RASSF3: variants seen among roughly 807,000 people sequenced by gnomAD.
RASSF3 encodes ras association domain-containing protein 3.
RASSF3 carries 19 observed loss-of-function variants against 19.9 expected under a neutral mutation model. The ratio of observed to expected loss-of-function variants is 0.96; its 90% CI spans 0.67 to 1.40. RASSF3 has a LOEUF of 1.40. RASSF3 is among the 40% of genes most tolerant of loss of function. The probability of loss-of-function intolerance (pLI) is 0.00; values close to 1 mark genes in which losing one functional copy is unlikely to be tolerated. For synonymous variants in RASSF3, 110 were observed against 104.2 expected (o/e 1.06, Z -0.34); for missense variants, 306 against 289.8 (o/e 1.06, Z -0.41).
Position 64,612,408 on chromosome 12 carries a change from A to G in RASSF3, c.111+1665A>G, listed in dbSNP as rs1175101395. Among the ~76,000 whole-genome samples the G allele has an allele frequency of 1.3e-4, 20 of 151,584 alleles. No individual in the cohort carries two copies. In the South Asian group the frequency reaches 1.9e-3, roughly 14 times the overall value. On this transcript the variant is annotated intron_variant, in intron 1 of 4. Transcript: ENST00000542104. ...GCCAAACTATTCAGGTTTGAATTGT[A>G]TGAGAATCCTTTAGTGCTTTAAAGA...
At chr12:64,680,911 C>T (rs1873102327) in intron 1 of RASSF3, among the ~76,000 whole-genome samples, 1 of 152,154 alleles carries the variant, frequency 6.6e-6, no homozygotes, top group Non-Finnish European at 1.5e-5. Context: ...CGCGCCCAGC[C>T]AGTTTCCTTA....
At chr12:64,691,661 T>TGTTGGGG in intron 4 of RASSF3, 82 bp downstream of exon 4, 5 of 250,294 alleles carry the variant, frequency 2.0e-5, no homozygotes, top group Non-Finnish European at 2.8e-5. Flanking sequence ...ACTTGGCTAT[T>TGTTGGGG]GATGGGGGAT....
At chr12:64,533,026 T>G (rs991044933), upstream of RASSF3, among the ~76,000 whole-genome samples, 3 of 152,210 alleles carry the variant, frequency 2.0e-5, no homozygotes, top group African/African-American at 4.8e-5. Context: ...AGACGCTCCC[T>G]CAGCCTCTTC....
In RASSF3 at chr12:64,676,166, ATTTTTTTTTT is replaced by A. The variant is rs35376691; in HGVS notation, c.112-8607_112-8598del. On this transcript the variant is annotated intron_variant, in intron 1 of 4. Transcript: ENST00000542104. ...TCTGATTCTTTCCTTCAGGAGTAGA[ATTTTTTTTTT>A]TTTTTTTTTTTTTGAGACGGAGTTT... Among the ~76,000 whole-genome samples the A allele has an allele frequency of 2.8e-5, 3 of 106,404 alleles. No individual in the cohort carries two copies. The Admixed American group carries it at 3.4e-4, about 12-fold the overall frequency. The allele number at this position is 106,404 out of a possible 152,430, so 69.8% of individuals were successfully genotyped here.
At chr12:64,570,122 A>C (rs1350069538) in intron 2 of RASSF3, among the ~76,000 whole-genome samples, 5 of 152,078 alleles carry the variant, frequency 3.3e-5, no homozygotes, top group Non-Finnish European at 7.4e-5. Context: ...TTCAGATTTG[A>C]CCTTGGCTCA....
intron 2 of RASSF3, 112 bp from the exon 3 acceptor site, chr12:64,688,104 T>C: frequency 1.3e-6 from 1 of 792,296 alleles, no homozygotes; most frequent in Admixed American, 2.0e-5. Context: ...GCCACAAACC[T>C]CAAGAGAAGA....
upstream of RASSF3, among the ~76,000 whole-genome samples, chr12:64,609,163 G>T (rs138583011): frequency 3.3e-5 from 5 of 152,106 alleles, no homozygotes; most frequent in Non-Finnish European, 7.4e-5. Flanking sequence ...TCCTCCTGTA[G>T]TCCACAAAAG....
intron 1 of RASSF3, among the ~76,000 whole-genome samples, chr12:64,518,644 G>A (rs774092488): frequency 2.8e-4 from 43 of 152,154 alleles, no homozygotes; most frequent in Admixed American, 2.7e-3. Context: ...AGGATCTTGC[G>A]GCCAGATGAG....
chr12:64,538,069 G>A (rs1868865324), intron 1 of RASSF3, among the ~76,000 whole-genome samples: 1 of 151,708 alleles, frequency 6.6e-6, no homozygotes, highest in South Asian at 2.1e-4. Context: ...GCTCACAGCA[G>A]CCTCAATCTC....
chr12:64,614,173 G>A (rs920982814), intron 1 of RASSF3, among the ~76,000 whole-genome samples: 6 of 109,656 alleles, frequency 5.5e-5, no homozygotes, highest in Admixed American at 3.2e-4. Flanking sequence ...CACTCTTGTT[G>A]CCCAGGCTGG....
chr12:64,610,462 G>GCGGGGAGGCGGCAGGAGGGGC (rs1273929481), upstream of RASSF3: 295 of 227,748 alleles, frequency 1.3e-3, 2 homozygotes, highest in African/African-American at 6.7e-3. Flanking sequence ...CTGGAGCCTG[G>GCGGGGAGGCGGCAGGAGGGGC]CGGGGAGGCG....
chr12:64,635,234 A>G (rs1006678824), intron 1 of RASSF3, among the ~76,000 whole-genome samples: 2 of 152,074 alleles, frequency 1.3e-5, no homozygotes, highest in Non-Finnish European at 2.9e-5. Context: ...GATTACAGGC[A>G]TGAGCCACCA....
chr12:64,557,135 C>G lies in RASSF3; in HGVS notation c.294+15430C>G, dbSNP rs115191127. On this transcript the variant is annotated intron_variant, in intron 2 of 5. Coordinates refer to the RASSF3 transcript ENST00000637125. ...TACAGGTATGAGCCACCGTGCCCAG[C>G]TTTCCCTGCCCATCTTAAATTCCCT... Among the ~76,000 whole-genome samples the G allele has an allele frequency of 1.5e-3, 231 of 152,272 alleles. 1 individual carries two copies. The highest frequency in any genetic ancestry group is 4.7e-3 in the African/African-American group (197 of 41,560).
chr12:64,535,083 G>GAAA (rs138219693), intron 1 of RASSF3, among the ~76,000 whole-genome samples: 4,501 of 148,692 alleles, frequency 0.03, 221 homozygotes, highest in African/African-American at 0.11. Flanking sequence ...ACGTTTATAT[G>GAAA]AAAAAAAAAA....
downstream of RASSF3, among the ~76,000 whole-genome samples, chr12:64,543,425 C>CCCCG (rs1868980094): frequency 5.6e-5 from 3 of 53,384 alleles, no homozygotes; most frequent in East Asian, 9.3e-4. Flanking sequence ...CCCCCCGGCT[C>CCCCG]CCCGCCCGCC....
At chr12:64,507,665 C>A (rs1868300599) in intron 1 of RASSF3, among the ~76,000 whole-genome samples, 1 of 152,076 alleles carries the variant, frequency 6.6e-6, no homozygotes, top group Non-Finnish European at 1.5e-5. Context: ...GGACTCTTAA[C>A]TTGTCTTAGT....
At chr12:64,641,469 A>T (rs1871527684) in intron 1 of RASSF3, among the ~76,000 whole-genome samples, 1 of 148,758 alleles carries the variant, frequency 6.7e-6, no homozygotes, top group Non-Finnish European at 1.5e-5. Context: ...GGGGGACTAG[A>T]CCTGTACAGT....
At chr12:64,523,871 C>T (rs1042589421) in intron 1 of RASSF3, among the ~76,000 whole-genome samples, 13 of 151,902 alleles carry the variant, frequency 8.6e-5, no homozygotes, top group Admixed American at 5.9e-4. Flanking sequence ...CTGCACCCGC[C>T]AAGGGACAAA....
chr12:64,607,882 A>C (rs981764001), upstream of RASSF3, among the ~76,000 whole-genome samples: 14 of 151,972 alleles, frequency 9.2e-5, no homozygotes, highest in African/African-American at 3.1e-4. Context: ...TAGCCTCCTG[A>C]GTAGCTGGGA....
Sources: gnomAD v4.1 joint callset for allele counts (sites outside exome capture counted in the v4.1 genomes callset) on GRCh38, gnomAD v4.1.1 for gene constraint, MANE v1.5 for transcripts, NCBI Gene and HGNC (gene_info 2026-07-23, HGNC 2026-07-21) for gene names.